IQCE: variants seen among roughly 807,000 people sequenced by gnomAD.
IQCE encodes IQ motif containing E.
IQCE carries 115 observed loss-of-function variants against 96.0 expected under a neutral mutation model. That is an observed-to-expected ratio of 1.20 (90% CI 1.03 to 1.40). IQCE has a LOEUF of 1.40. IQCE is among the 40% of genes most tolerant of loss of function. The pLI is 0.00. For missense variants in IQCE, 1,041 were observed against 909.1 expected (o/e 1.15, Z -1.87); for synonymous variants, 412 against 371.2 (o/e 1.11, Z -1.26).
intron 8 of IQCE, among the ~76,000 whole-genome samples, chr7:2,581,565 G>T (rs1228565596): frequency 6.6e-6 from 1 of 152,180 alleles, no homozygotes; most frequent in East Asian, 1.9e-4. Flanking sequence ...TTCAAGCCTG[G>T]TGTGGTGGCT....
At position 2,559,180 on chromosome 7, in the gene IQCE, C is replaced by G; in HGVS notation, c.-2C>G. ...GAGGGGCGGCCGGGCAGCGCCGCCA[C>G]CATGTTCCTGGGCACCGGGGAGCCG... On this transcript the variant is annotated 5_prime_UTR_variant, in exon 1 of 22. Transcript: ENST00000402050. 8.2e-7 allele frequency: 1 copy of G among 1,216,778 alleles called. No homozygotes were observed. The allele number at this position is 1,216,778 out of a possible 1,614,324, so 75.4% of individuals were successfully genotyped here. A position where few individuals can be genotyped will look rare whatever the true frequency, so the allele number is the denominator to read the frequency against.
At chr7:2,603,976 G>A (rs1361198356) in intron 18 of IQCE, among the ~76,000 whole-genome samples, 4 of 136,898 alleles carry the variant, frequency 2.9e-5, no homozygotes, top group African/African-American at 5.5e-5. Flanking sequence ...AACTTCTTAC[G>A]GAGCTTCCCT....
chr7:2,581,145 G>C (rs2128448079), intron 8 of IQCE, among the ~76,000 whole-genome samples: 1 of 152,034 alleles, frequency 6.6e-6, no homozygotes, highest in East Asian at 1.9e-4. Flanking sequence ...GCCCAGCCCT[G>C]TAACATCTTC....
chr7:2,563,914 A>AG (rs1781167481), intron 1 of IQCE, among the ~76,000 whole-genome samples: 1 of 150,618 alleles, frequency 6.6e-6, no homozygotes, highest in African/African-American at 2.4e-5. Context: ...AAAAAAAAAA[A>AG]AATTTCACTC....
chr7:2,584,630 G>T (rs1215005555), intron 11 of IQCE: 1 of 240,076 alleles, frequency 4.2e-6, no homozygotes, highest in Non-Finnish European at 8.1e-6. Context: ...AGTTTACTTT[G>T]CCACCTAATG....
At chr7:2,570,970 A>T (rs990844938) in intron 3 of IQCE, among the ~76,000 whole-genome samples, 1 of 152,228 alleles carries the variant, frequency 6.6e-6, no homozygotes, top group African/African-American at 2.4e-5. Flanking sequence ...GAGAAATTAA[A>T]TGCTATAATA....
At position 2,599,933 on chromosome 7, in the gene IQCE, A is replaced by G. The variant is rs550627298; in HGVS notation, c.1608+1301A>G. On this transcript the variant is annotated intron_variant, in intron 17 of 21. Transcript: ENST00000402050. ...CTCAGCCTCCCCAGTAGCTGGGACT[A>G]CAGGCACACACCACCATGCACAGCT... 3.5e-4 allele frequency among the ~76,000 whole-genome samples: 53 copies of G among 152,104 alleles called. 1 individual carries two copies. Among genetic ancestry groups the G allele is most frequent in the African/African-American group, 1.2e-3 (50 of 41,498 alleles).
intron 19 of IQCE, 125 bp from the exon 20 acceptor site, chr7:2,605,751 G>C: frequency 1.0e-6 from 1 of 992,906 alleles, no homozygotes; most frequent in Non-Finnish European, 1.4e-6. Flanking sequence ...GGGAGGCAGG[G>C]CCATCTGAAA....
intron 3 of IQCE, among the ~76,000 whole-genome samples, chr7:2,570,625 C>T (rs955339204): frequency 1.3e-5 from 2 of 151,758 alleles, no homozygotes; most frequent in African/African-American, 4.8e-5. Context: ...ATTTTCAGAC[C>T]CTACTGACAT....
chr7:2,593,803 G>T (rs1473504156), intron 15 of IQCE, among the ~76,000 whole-genome samples: 1 of 152,218 alleles, frequency 6.6e-6, no homozygotes, highest in East Asian at 1.9e-4. Flanking sequence ...GGTGGTAGCT[G>T]CACAGCATTG....
chr7:2,607,619 CCA>C, intron 21 of IQCE: 1 of 1,062,194 alleles, frequency 9.4e-7, no homozygotes, highest in Non-Finnish European at 1.2e-6. Context: ...CTGCAGGATG[CCA>C]CACCCTGGTG....
intron 11 of IQCE, chr7:2,584,703 A>G (rs1782961466): frequency 1.1e-5 from 2 of 179,386 alleles, no homozygotes; most frequent in Non-Finnish European, 2.3e-5. Context: ...GATCTCCCAC[A>G]TCCCTTTCCC....
At chr7:2,600,880 T>G (rs1431426132) in intron 17 of IQCE, among the ~76,000 whole-genome samples, 1 of 152,196 alleles carries the variant, frequency 6.6e-6, no homozygotes, top group East Asian at 1.9e-4. Context: ...AGGGACCCTC[T>G]CTACTGATTG....
chr7:2,567,279 T>G, intron 2 of IQCE, 116 bp downstream of exon 2: 1 of 805,224 alleles, frequency 1.2e-6, no homozygotes, highest in Non-Finnish European at 2.1e-6. Context: ...AGAGCTGGAA[T>G]GCATATTCCG....
At chr7:2,608,885 T>A (rs1784991301) in intron 21 of IQCE, among the ~76,000 whole-genome samples, 1 of 152,274 alleles carries the variant, frequency 6.6e-6, no homozygotes. Context: ...AAGCTGTTTT[T>A]AATTTCATAA....
chr7:2,576,323 G>A (rs1215806488), intron 6 of IQCE, among the ~76,000 whole-genome samples: 1 of 152,218 alleles, frequency 6.6e-6, no homozygotes, highest in African/African-American at 2.4e-5. Flanking sequence ...ACTTTACCAC[G>A]AAAATAGTAG....
rs369593633 is a variant in IQCE at position 2,587,805 on chromosome 7, C to T, written c.989-17C>T. 155 of 1,613,616 alleles carry T rather than the reference C, an allele frequency of 9.6e-5. No individual in the cohort carries two copies. In the South Asian group the frequency reaches 1.4e-3, roughly 15 times the overall value. Reference sequence around the variant, plus strand: ...GCCCACCAGGATGCCGTTTTGAAACCGCATTGCTTCCATCAGGTTATGTGG... The same window carrying T: ...GCCCACCAGGATGCCGTTTTGAAACTGCATTGCTTCCATCAGGTTATGTGG... On this transcript the variant is annotated splice_polypyrimidine_tract_variant and intron_variant, in intron 12 of 21. Coordinates refer to ENST00000402050, the MANE Select transcript of IQCE (RefSeq NM_152558.5).
chr7:2,578,150 T>G (rs540605418), intron 6 of IQCE, 92 bp from the exon 7 acceptor site: 200 of 923,520 alleles, frequency 2.2e-4, no homozygotes, highest in African/African-American at 1.7e-3. Context: ...CGTGCCCGCA[T>G]TGGCGTGTGC....
chr7:2,560,254 AAAAG>A (rs1780844146), intron 1 of IQCE, among the ~76,000 whole-genome samples: 1 of 152,268 alleles, frequency 6.6e-6, no homozygotes, highest in Non-Finnish European at 1.5e-5. Context: ...GTCTCAAAAA[AAAAG>A]AAAGCCCGTT....
Sources: allele counts gnomAD v4.1 joint callset (sites outside exome capture counted in the v4.1 genomes callset), GRCh38; gene constraint gnomAD v4.1.1; transcripts MANE v1.5; gene names NCBI Gene and HGNC (gene_info 2026-07-23, HGNC 2026-07-21).